Variants in ERC1 observed in about 807,000 individuals in gnomAD.
ERC1 encodes ELKS/RAB6-interacting/CAST family member 1.
In ERC1, 56 loss-of-function variants were observed where a neutral mutation model predicts 132.0. That is an observed-to-expected ratio of 0.42 (90% CI 0.34 to 0.53). The LOEUF (loss-of-function observed/expected upper bound fraction) is 0.53, where lower values mean the gene tolerates loss of function less well. ERC1 is among the 20% of genes least tolerant of loss of function. The pLI is 0.03. For missense variants in ERC1, 1,202 were observed against 1,349.9 expected, an observed-to-expected ratio of 0.89 and a Z score of 1.72; for synonymous variants, 478 against 476.1, an observed-to-expected ratio of 1.00 and a Z score of -0.05.
At chr12:1,184,908 A>G (rs991570616) in intron 11 of ERC1, among the ~76,000 whole-genome samples, 1 of 151,960 alleles carries the variant, frequency 6.6e-6, no homozygotes, top group African/African-American at 2.4e-5. Flanking sequence ...CCATGCCACA[A>G]CACCTGGCTA....
chr12:1,143,202 C>G (rs1041356862), intron 8 of ERC1, among the ~76,000 whole-genome samples: 1 of 152,072 alleles, frequency 6.6e-6, no homozygotes, highest in African/African-American at 2.4e-5. Flanking sequence ...CTGCACCAGC[C>G]CACCTTTTTT....
intron 17 of ERC1, among the ~76,000 whole-genome samples, chr12:1,441,395 A>G (rs1371422054): frequency 6.6e-6 from 1 of 152,180 alleles, no homozygotes; most frequent in Non-Finnish European, 1.5e-5. Context: ...AGGATCTAAA[A>G]AGTCAGCATC....
chr12:1,208,004 G>A (rs112337053), intron 12 of ERC1, among the ~76,000 whole-genome samples: 119 of 152,142 alleles, frequency 7.8e-4, no homozygotes, highest in African/African-American at 2.6e-3. Flanking sequence ...ACAGAAACAC[G>A]TCTGATTTCT....
At chr12:1,320,298 G>T (rs1165148094) in intron 15 of ERC1, among the ~76,000 whole-genome samples, 1 of 152,112 alleles carries the variant, frequency 6.6e-6, no homozygotes, top group Non-Finnish European at 1.5e-5. Flanking sequence ...TCTTATAAAA[G>T]GCTCTACCCC....
At chr12:1,425,568 A>T (rs1257634984) in intron 17 of ERC1, among the ~76,000 whole-genome samples, 2 of 152,204 alleles carry the variant, frequency 1.3e-5, no homozygotes, top group East Asian at 3.9e-4. Flanking sequence ...CCTGTGAACA[A>T]AGGTCTCACG....
chr12:1,148,758 C>T (rs759128084), intron 8 of ERC1, among the ~76,000 whole-genome samples: 36 of 152,210 alleles, frequency 2.4e-4, no homozygotes, highest in Non-Finnish European at 4.3e-4. Context: ...CCTGCCACCT[C>T]GCCCAGCTAA....
At chr12:1,479,405 A>C (rs1390373734) in intron 18 of ERC1, among the ~76,000 whole-genome samples, 2 of 152,194 alleles carry the variant, frequency 1.3e-5, no homozygotes, top group Non-Finnish European at 2.9e-5. Flanking sequence ...TCCAATCCTT[A>C]ATCATGTTTA....
At chr12:1,426,110 T>C (rs2092628867) in intron 17 of ERC1, among the ~76,000 whole-genome samples, 2 of 151,964 alleles carry the variant, frequency 1.3e-5, no homozygotes, top group South Asian at 2.1e-4. Context: ...AGATTTTTTT[T>C]TTTTTTTTTT....
chr12:1,294,122 C>T (rs1283098692), intron 15 of ERC1, among the ~76,000 whole-genome samples: 1 of 152,108 alleles, frequency 6.6e-6, no homozygotes, highest in Non-Finnish European at 1.5e-5. Context: ...TTGCTTAACT[C>T]TCTCATTCTG....
chr12:1,418,762 G>A (rs2092304144), intron 17 of ERC1, among the ~76,000 whole-genome samples: 1 of 146,888 alleles, frequency 6.8e-6, no homozygotes, highest in Non-Finnish European at 1.5e-5. Flanking sequence ...GCTCAGACTG[G>A]AGTGTAGTGG....
chr12:1,425,585 T>C (rs2092609303), intron 17 of ERC1, among the ~76,000 whole-genome samples: 1 of 152,196 alleles, frequency 6.6e-6, no homozygotes, highest in Non-Finnish European at 1.5e-5. Flanking sequence ...CACGCAGTCA[T>C]TTCTCCTCAG....
At chr12:1,411,340 A>T (rs775099096) in intron 17 of ERC1, among the ~76,000 whole-genome samples, 1 of 152,150 alleles carries the variant, frequency 6.6e-6, no homozygotes, top group Non-Finnish European at 1.5e-5. Context: ...CCTATCAGTG[A>T]TCTCACTCCC....
intron 13 of ERC1, among the ~76,000 whole-genome samples, chr12:1,244,128 T>TTA (rs1355441875): frequency 1.3e-5 from 2 of 152,176 alleles, no homozygotes; most frequent in Non-Finnish European, 2.9e-5. Context: ...GGCACATAAT[T>TTA]CCAGATTGAA....
intron 12 of ERC1, among the ~76,000 whole-genome samples, chr12:1,219,219 T>C (rs933611932): frequency 2.0e-5 from 3 of 152,126 alleles, no homozygotes; most frequent in Admixed American, 2.0e-4. Flanking sequence ...AACACAGCAA[T>C]AGCTACCAAA....
Position 1,114,727 on chromosome 12 carries a change from T to G in ERC1, c.1402-1139T>G, listed in dbSNP as rs79970653. 2.4e-3 allele frequency among the ~76,000 whole-genome samples: 373 copies of G among 152,352 alleles called. 2 individuals carry two copies. The highest frequency in any genetic ancestry group is 8.3e-3 in the African/African-American group (347 of 41,590). On this transcript the variant is annotated intron_variant, in intron 6 of 18. Transcript: ENST00000360905. The stretch of plus-strand genomic sequence containing the variant: ...ACCGTTTAAAATTATCTTCCACTGA[T>G]GTTTTTAGTATCCTCAGGTACTTTG...
chr12:1,399,403 A>T (rs192394990), intron 16 of ERC1, among the ~76,000 whole-genome samples: 2 of 152,318 alleles, frequency 1.3e-5, no homozygotes, highest in Admixed American at 6.5e-5. Context: ...AATCACAGAA[A>T]TGTGTAACCA....
chr12:1,297,287 A>C lies in ERC1; in HGVS notation c.2780+7275A>C, dbSNP rs1429265407. On this transcript the variant is annotated intron_variant, in intron 15 of 18. Coordinates refer to ENST00000360905, the MANE Select transcript of ERC1 (RefSeq NM_178040.4). ...GGATTAAATAAAGACAATTTCATATAAACAAATATGAAAAGAATTCATCTC... is the reference window on the plus strand; with the variant it reads ...GGATTAAATAAAGACAATTTCATATCAACAAATATGAAAAGAATTCATCTC... Among the ~76,000 whole-genome samples the C allele has an allele frequency of 1.4e-4, 22 of 152,142 alleles. 1 individual carries two copies. In the South Asian group the frequency reaches 2.3e-3, roughly 16 times the overall value.
intron 3 of ERC1, among the ~76,000 whole-genome samples, chr12:1,092,007 T>G (rs1164898661): frequency 6.6e-6 from 1 of 151,632 alleles, no homozygotes; most frequent in African/African-American, 2.4e-5. Context: ...AATTCTTTTT[T>G]TTTTTTTTTG....
intron 14 of ERC1, among the ~76,000 whole-genome samples, chr12:1,286,347 T>C (rs2079045793): frequency 6.9e-6 from 1 of 145,686 alleles, no homozygotes; most frequent in African/African-American, 2.5e-5. Flanking sequence ...CAGTAAAAGA[T>C]GATAGAAGAA....
Sources: gnomAD v4.1 joint callset for allele counts (sites outside exome capture counted in the v4.1 genomes callset) on GRCh38, gnomAD v4.1.1 for gene constraint, MANE v1.5 for transcripts, NCBI Gene and HGNC (gene_info 2026-07-23, HGNC 2026-07-21) for gene names.